Variants in JPH2 observed in about 807,000 individuals in gnomAD.
JPH2 encodes junctophilin 2.
A neutral mutation model predicts 55.9 loss-of-function variants in JPH2; 38 were observed. That is an observed-to-expected ratio of 0.68 (90% confidence interval 0.52 to 0.89). JPH2 has a LOEUF of 0.89. JPH2 is among the 40% of genes least tolerant of loss of function. The probability of loss-of-function intolerance (pLI) is 0.00; values close to 1 mark genes in which losing one functional copy is unlikely to be tolerated. For synonymous variants in JPH2, 480 were observed against 472.4 expected, an observed-to-expected ratio of 1.02 and a Z score of -0.21; for missense variants, 964 against 1,037.6, an observed-to-expected ratio of 0.93 and a Z score of 0.97.
intron 2 of JPH2, among the ~76,000 whole-genome samples, chr20:44,136,999 C>T (rs1230170692): frequency 5.3e-5 from 8 of 152,204 alleles, no homozygotes; most frequent in Admixed American, 5.2e-4. Flanking sequence ...TATATGTGTA[C>T]ATTATGTGTA....
chr20:44,110,604 C>CT lies in JPH2; in HGVS notation c.*2913dup, dbSNP rs918941225. Among the ~76,000 whole-genome samples, 2 of 151,892 alleles carry CT rather than the reference C, an allele frequency of 1.3e-5. No individual in the cohort carries two copies. The highest frequency in any genetic ancestry group is 2.4e-5 in the African/African-American group (1 of 41,334). On this transcript the variant is annotated 3_prime_UTR_variant, in exon 6 of 6. Coordinates refer to ENST00000372980, the MANE Select transcript of JPH2 (RefSeq NM_020433.5). ...CACACTTGGCTAATTTTTGTATTTT[C>CT]TTTTTTAGTAGAGATGGGGTTTTGC...
In JPH2 at chr20:44,107,803, A is replaced by C. The variant is rs778031156; in HGVS notation, c.*5715T>G. ...GATAGGAAGAGATACAGGGTTGTGT[A>C]GTTAGCAACTGGGCCTTGAGGGAGA... On this transcript the variant is annotated 3_prime_UTR_variant, in exon 6 of 6. Transcript: ENST00000372980. Among the ~76,000 whole-genome samples the C allele has an allele frequency of 3.9e-5, 6 of 152,230 alleles. No homozygotes were observed. The highest frequency in any genetic ancestry group is 8.8e-5 in the Non-Finnish European group (6 of 68,038).
chr20:44,161,271 C>T (rs541902918), intron 1 of JPH2, among the ~76,000 whole-genome samples: 11 of 152,102 alleles, frequency 7.2e-5, no homozygotes, highest in African/African-American at 1.2e-4. Flanking sequence ...TCAGTGAAAC[C>T]GAGACACTGA....
At chr20:44,169,504 AAAT>A (rs1312928974) in intron 1 of JPH2, among the ~76,000 whole-genome samples, 1 of 152,130 alleles carries the variant, frequency 6.6e-6, no homozygotes, top group Non-Finnish European at 1.5e-5. Flanking sequence ...CAGCAACACA[AAAT>A]TGACTAAGAC....
chr20:44,135,997 C>G (rs1159811050), intron 2 of JPH2, among the ~76,000 whole-genome samples: 1 of 152,208 alleles, frequency 6.6e-6, no homozygotes, highest in Non-Finnish European at 1.5e-5. Context: ...GAAATACTAT[C>G]ATTATCACCC....
chr20:44,115,894 G>T lies in JPH2; in HGVS notation c.1781C>A (p.Ser594Tyr). ...GGCGGTGGCCGGGGACGAGGGCGCG[G>T]ACTCGGACCCGGAGACCTCGGGCTC... ...QPEPEVSGSE[S>Y]APSSPATAPL... The change falls in exon 4 of 6, where the codon TCC becomes TAC. Residue 594 changes from serine to tyrosine, a missense_variant. Coordinates refer to ENST00000372980, the MANE Select transcript of JPH2 (RefSeq NM_020433.5). The T allele has an allele frequency of 6.3e-7, 1 of 1,578,298 alleles. No individual in the cohort carries two copies. The highest frequency in any genetic ancestry group is 1.3e-5 in the African/African-American group (1 of 74,494).
intron 2 of JPH2, among the ~76,000 whole-genome samples, chr20:44,152,088 G>T (rs544758152): frequency 6.6e-6 from 1 of 152,312 alleles, no homozygotes; most frequent in African/African-American, 2.4e-5. Flanking sequence ...CCTCAACGTG[G>T]GGGTCTCCAG....
rs1348944782 is a variant in JPH2, at chr20:44,107,979, T to C, written c.*5539A>G. Among the ~76,000 whole-genome samples, 3 of 152,232 alleles carry C rather than the reference T, an allele frequency of 2.0e-5. No homozygotes were observed. Among genetic ancestry groups the C allele is most frequent in the African/African-American group, 2.4e-5 (1 of 41,458 alleles). ...GATGGCTTATAGTGAGTGCTGGCCA[T>C]GCCAGAAAAATCAACCACAGGGTTA... On this transcript the variant is annotated 3_prime_UTR_variant, in exon 6 of 6. Coordinates refer to ENST00000372980, the MANE Select transcript of JPH2 (RefSeq NM_020433.5).
At chr20:44,143,977 C>G (rs1030127109) in intron 2 of JPH2, among the ~76,000 whole-genome samples, 3 of 151,862 alleles carry the variant, frequency 2.0e-5, no homozygotes, top group Admixed American at 6.6e-5. Context: ...ACCAGAGGCT[C>G]GAGAGGCAAG....
intron 2 of JPH2, among the ~76,000 whole-genome samples, chr20:44,126,437 C>T (rs1421134693): frequency 6.6e-6 from 1 of 152,160 alleles, no homozygotes; most frequent in African/African-American, 2.4e-5. Context: ...TGCTGCCCAG[C>T]GTCTTCCTGA....
rs929010845 is a variant in JPH2 at position 44,110,615 on chromosome 20, G to A, written c.*2903C>T. Among the ~76,000 whole-genome samples, 1 of 152,092 alleles carries A rather than the reference G, an allele frequency of 6.6e-6. No homozygotes were observed. The highest frequency in any genetic ancestry group is 1.5e-5 in the Non-Finnish European group (1 of 68,016). On this transcript the variant is annotated 3_prime_UTR_variant, in exon 6 of 6. Coordinates refer to ENST00000372980, the MANE Select transcript of JPH2 (RefSeq NM_020433.5). The stretch of plus-strand genomic sequence containing the variant: ...AATTTTTGTATTTTCTTTTTTAGTA[G>A]AGATGGGGTTTTGCCATGTTGGCCA...
chr20:44,144,244 C>T (rs573066184), intron 2 of JPH2, among the ~76,000 whole-genome samples: 6 of 152,228 alleles, frequency 3.9e-5, no homozygotes, highest in Admixed American at 3.3e-4. Context: ...AGGAGAGAAG[C>T]GGCATTTGGG....
chr20:44,177,567 C>G, intron 1 of JPH2: 1 of 1,152,118 alleles, frequency 8.7e-7, no homozygotes, highest in Non-Finnish European at 1.1e-6. Flanking sequence ...TGCCCAGAAG[C>G]TGCCAAGACA....
chr20:44,129,518 G>A (rs945192098), intron 2 of JPH2, among the ~76,000 whole-genome samples: 4 of 141,428 alleles, frequency 2.8e-5, no homozygotes, highest in African/African-American at 1.1e-4. Context: ...TTGCGCCACT[G>A]CACTCTGGCC....
intron 2 of JPH2, among the ~76,000 whole-genome samples, chr20:44,147,353 C>A (rs1569203122): frequency 6.6e-6 from 1 of 152,144 alleles, no homozygotes; most frequent in African/African-American, 2.4e-5. Context: ...TTTTCAGTCT[C>A]CATCAAAAGA....
intron 1 of JPH2, among the ~76,000 whole-genome samples, chr20:44,162,464 T>A (rs552309610): frequency 6.6e-5 from 10 of 151,950 alleles, no homozygotes; most frequent in Non-Finnish European, 1.0e-4. Context: ...AACATTTGAG[T>A]CAGTGGGCTG....
chr20:44,134,308 ATTTAT>A lies in JPH2; in HGVS notation c.1170-15690_1170-15686del, dbSNP rs1325181849. 3.3e-4 allele frequency among the ~76,000 whole-genome samples: 9 copies of A among 27,390 alleles called. 4 individuals carry two copies. Among genetic ancestry groups the A allele is most frequent in the Non-Finnish European group, 4.2e-4 (7 of 16,726 alleles). The allele number at this position is 27,390 out of a possible 152,430, so 18.0% of individuals were successfully genotyped here. Reference sequence around the variant, plus strand: ...AATATTTATTATAAATATAATAAATATTTATTATAAATATATAATAAATATATAAT... The same window carrying A: ...AATATTTATTATAAATATAATAAATATATAAATATATAATAAATATATAAT... On this transcript the variant is annotated intron_variant, in intron 2 of 5. Transcript: ENST00000372980.
At chr20:44,148,626 C>T (rs2072509037) in intron 2 of JPH2, among the ~76,000 whole-genome samples, 1 of 152,196 alleles carries the variant, frequency 6.6e-6, no homozygotes, top group Admixed American at 6.5e-5. Flanking sequence ...AGGTTCGTTA[C>T]TGCCCTTCTC....
At chr20:44,120,448 T>C (rs576304060) in intron 2 of JPH2, among the ~76,000 whole-genome samples, 1 of 152,316 alleles carries the variant, frequency 6.6e-6, no homozygotes, top group Non-Finnish European at 1.5e-5. Flanking sequence ...GGGCCAGGCA[T>C]GGTTCTAAAG....
Sources: gnomAD v4.1 joint callset for allele counts (sites outside exome capture counted in the v4.1 genomes callset) on GRCh38, gnomAD v4.1.1 for gene constraint, MANE v1.5 for transcripts, NCBI Gene and HGNC (gene_info 2026-07-23, HGNC 2026-07-21) for gene names.